The following RGPD2 variants were observed in gnomAD, a reference collection of about 807,000 sequenced individuals.
RGPD2 encodes the protein RANBP2 like and GRIP domain containing 2, also known as RANBP2-like and GRIP domain-containing protein 2.
RGPD2 carries 2 observed loss-of-function variants against 36.0 expected under a neutral mutation model. The ratio of observed to expected loss-of-function variants is 0.06; its 90% CI spans 0.02 to 0.17. RGPD2 has a LOEUF of 0.17. Among genes scored for constraint, RGPD2 ranks in the 10% least tolerant of loss-of-function variants. The pLI, the probability that RGPD2 is intolerant of heterozygous loss-of-function variation, is 1.00. For missense variants in RGPD2, 40 were observed against 464.3 expected (o/e 0.09, Z 8.40); for synonymous variants, 19 against 163.8 (o/e 0.12, Z 6.75).
the RGPD2 span, among the ~76,000 whole-genome samples, chr2:87,848,828 T>C: frequency 6.7e-6 from 1 of 148,850 alleles, no homozygotes; most frequent in Non-Finnish European, 1.5e-5. Flanking sequence ...GAGGTTTTGG[T>C]TTAAAAAGGG....
the RGPD2 span, chr2:87,988,982 A>G: frequency 7.2e-5 from 23 of 317,614 alleles, no homozygotes; most frequent in African/African-American, 4.3e-4. Context: ...AGCTCTTTAA[A>G]GCTCCTCTAC....
At chr2:87,988,778 C>A in the RGPD2 span, among the ~76,000 whole-genome samples, 5 of 151,690 alleles carry the variant, frequency 3.3e-5, no homozygotes, top group African/African-American at 9.7e-5. Flanking sequence ...CGACCTCAAG[C>A]GATCCACCTG....
chr2:87,977,881 C>A, the RGPD2 span, among the ~76,000 whole-genome samples: 2 of 152,070 alleles, frequency 1.3e-5, no homozygotes, highest in African/African-American at 4.8e-5. Flanking sequence ...TTTGGGAGGC[C>A]AAGGCTGGTG....
At chr2:87,849,345 A>G in the RGPD2 span, among the ~76,000 whole-genome samples, 2 of 151,874 alleles carry the variant, frequency 1.3e-5, no homozygotes, top group African/African-American at 4.8e-5. Context: ...TATGATTGCT[A>G]TGATTCTTAT....
chr2:87,914,084 T>C, the RGPD2 span, among the ~76,000 whole-genome samples: 1 of 151,758 alleles, frequency 6.6e-6, no homozygotes, highest in Non-Finnish European at 1.5e-5. Flanking sequence ...TGGAAGTAAG[T>C]ATAGCCGAAT....
At chr2:87,825,416 G>GGCCGCCGCCGCC (rs1306325278) in intron 1 of RGPD2, among the ~76,000 whole-genome samples, 4 of 96,160 alleles carry the variant, frequency 4.2e-5, no homozygotes, top group African/African-American at 1.2e-4. Flanking sequence ...CCGAGGCCGA[G>GGCCGCCGCCGCC]GCCGCCGCCG....
the RGPD2 span, among the ~76,000 whole-genome samples, chr2:87,841,328 C>T: frequency 2.6e-5 from 4 of 152,148 alleles, no homozygotes; most frequent in Non-Finnish European, 5.9e-5. Context: ...TGAGCAGTTG[C>T]TATTAATAGC....
At chr2:87,951,425 G>C in the RGPD2 span, among the ~76,000 whole-genome samples, 1 of 152,046 alleles carries the variant, frequency 6.6e-6, no homozygotes, top group African/African-American at 2.4e-5. Context: ...ACCCCTGAGA[G>C]AGGAAATTAC....
chr2:87,885,940 G>A, the RGPD2 span, among the ~76,000 whole-genome samples: 2 of 151,908 alleles, frequency 1.3e-5, no homozygotes, highest in South Asian at 4.1e-4. Flanking sequence ...TACACCACAG[G>A]ACAAACAGTC....
chr2:87,875,605 G>T, the RGPD2 span, among the ~76,000 whole-genome samples: 2 of 152,112 alleles, frequency 1.3e-5, no homozygotes, highest in Admixed American at 1.3e-4. Flanking sequence ...CCTGGATTTG[G>T]TTTGCCAGCC....
At chr2:87,915,747 A>G in the RGPD2 span, among the ~76,000 whole-genome samples, 1 of 149,344 alleles carries the variant, frequency 6.7e-6, no homozygotes, top group Non-Finnish European at 1.5e-5. Flanking sequence ...CGAGATCCCC[A>G]CTGTTTTCTT....
At chr2:87,986,572 C>T in the RGPD2 span, among the ~76,000 whole-genome samples, 1,891 of 151,976 alleles carry the variant, frequency 0.012, 51 homozygotes, top group African/African-American at 0.043. Flanking sequence ...TGTTCTAGCT[C>T]GGGTGACAAA....
chr2:87,824,308 G>A (rs1420111251), intron 1 of RGPD2, among the ~76,000 whole-genome samples: 2 of 151,794 alleles, frequency 1.3e-5, no homozygotes, highest in Non-Finnish European at 2.9e-5. Context: ...GCACATGTGA[G>A]GGAGTAGAAA....
At chr2:87,921,804 T>G in the RGPD2 span, among the ~76,000 whole-genome samples, 113 of 152,200 alleles carry the variant, frequency 7.4e-4, no homozygotes, top group South Asian at 0.012. Flanking sequence ...GGGGAGAATC[T>G]AGATGTAAAA....
the RGPD2 span, among the ~76,000 whole-genome samples, chr2:87,947,537 A>C: frequency 6.6e-6 from 1 of 152,154 alleles, no homozygotes; most frequent in Admixed American, 6.5e-5. Context: ...TTTCTTCCCC[A>C]AGAAAGCTAT....
At chr2:87,921,324 C>T in the RGPD2 span, among the ~76,000 whole-genome samples, 3 of 152,208 alleles carry the variant, frequency 2.0e-5, no homozygotes, top group South Asian at 2.1e-4. Flanking sequence ...TTTCTAGAGC[C>T]GGTCCCTGGA....
chr2:87,974,720 G>A, the RGPD2 span, among the ~76,000 whole-genome samples: 11 of 152,234 alleles, frequency 7.2e-5, no homozygotes, highest in East Asian at 1.9e-4. Context: ...ATTTCTAGAC[G>A]TTTACAATAG....
the RGPD2 span, among the ~76,000 whole-genome samples, chr2:87,913,595 T>C: frequency 2.2e-4 from 34 of 151,244 alleles, 1 homozygote; most frequent in African/African-American, 7.6e-4. Flanking sequence ...GTGATTGTTA[T>C]AGTTACAAAT....
the RGPD2 span, among the ~76,000 whole-genome samples, chr2:87,857,742 T>G: frequency 6.4e-5 from 9 of 141,638 alleles, no homozygotes; most frequent in East Asian, 2.2e-4. Context: ...ATTGAGACCA[T>G]CCTGGCCAAC....
Sources: allele counts gnomAD v4.1 joint callset (sites outside exome capture counted in the v4.1 genomes callset), GRCh38; gene constraint gnomAD v4.1.1; transcripts MANE v1.5; gene names NCBI Gene and HGNC (gene_info 2026-07-23, HGNC 2026-07-21).